Variants in SEZ6L observed in about 807,000 individuals in gnomAD.
The protein encoded by SEZ6L is seizure 6-like protein.
In SEZ6L, 37 loss-of-function variants were observed where a neutral mutation model predicts 106.2. That is an observed-to-expected ratio of 0.35 (90% CI 0.27 to 0.46). The LOEUF (loss-of-function observed/expected upper bound fraction) is 0.46, where lower values mean the gene tolerates loss of function less well. SEZ6L is among the 20% of genes least tolerant of loss of function. The probability of loss-of-function intolerance (pLI) is 1.00; values close to 1 mark genes in which losing one functional copy is unlikely to be tolerated. For missense variants in SEZ6L, 1,172 were observed against 1,332.8 expected (o/e 0.88, Z 1.88); for synonymous variants, 541 against 570.4 (o/e 0.95, Z 0.73).
At chr22:26,347,976 T>C in intron 11 of SEZ6L, 63 bp downstream of exon 11, 1 of 1,384,998 alleles carries the variant, frequency 7.2e-7, no homozygotes, top group Non-Finnish European at 9.7e-7. Context: ...TAGGGATCTT[T>C]TTTTGGTGGG....
At chr22:26,341,707 C>T (rs920136855) in intron 10 of SEZ6L, among the ~76,000 whole-genome samples, 1 of 152,094 alleles carries the variant, frequency 6.6e-6, no homozygotes, top group Non-Finnish European at 1.5e-5. Context: ...GCATCCCCTG[C>T]TATCTGCCAA....
intron 3 of SEZ6L, among the ~76,000 whole-genome samples, chr22:26,294,803 C>T (rs1251211068): frequency 6.6e-6 from 1 of 151,550 alleles, no homozygotes; most frequent in Non-Finnish European, 1.5e-5. Context: ...TTGCTTGCTT[C>T]CTTATTTCTC....
intron 10 of SEZ6L, among the ~76,000 whole-genome samples, chr22:26,342,229 G>A (rs1051444505): frequency 1.5e-4 from 23 of 152,252 alleles, no homozygotes; most frequent in African/African-American, 5.3e-4. Flanking sequence ...ATTAGGAAAC[G>A]TGCTTGCACT....
At chr22:26,186,083 A>G (rs1415378660) in intron 1 of SEZ6L, among the ~76,000 whole-genome samples, 1 of 151,968 alleles carries the variant, frequency 6.6e-6, no homozygotes, top group Admixed American at 6.6e-5. Flanking sequence ...GGTTTGCCGC[A>G]CACCGGGGAC....
chr22:26,210,436 C>T (rs753185058), intron 1 of SEZ6L, among the ~76,000 whole-genome samples: 31 of 152,264 alleles, frequency 2.0e-4, no homozygotes, highest in Non-Finnish European at 2.6e-4. Flanking sequence ...TTTAAGGGAA[C>T]ATAACGCTCC....
chr22:26,181,371 GA>G (rs2123777250), intron 1 of SEZ6L, among the ~76,000 whole-genome samples: 1 of 152,310 alleles, frequency 6.6e-6, no homozygotes, highest in South Asian at 2.1e-4. Context: ...TAACAGAGTG[GA>G]AAGCTAACTT....
intron 1 of SEZ6L, among the ~76,000 whole-genome samples, chr22:26,176,853 C>T (rs1009284669): frequency 4.6e-5 from 7 of 152,180 alleles, no homozygotes; most frequent in African/African-American, 1.7e-4. Context: ...TCTCTTGCTT[C>T]TCTCCTGTCT....
At chr22:26,293,262 C>A in intron 2 of SEZ6L, 116 bp downstream of exon 2, 1 of 1,351,864 alleles carries the variant, frequency 7.4e-7, no homozygotes, top group Non-Finnish European at 9.8e-7. Flanking sequence ...CAGTTACCGT[C>A]CATTGAGCAC....
At chr22:26,171,933 T>TG (rs1938643621) in intron 1 of SEZ6L, among the ~76,000 whole-genome samples, 1 of 152,060 alleles carries the variant, frequency 6.6e-6, no homozygotes, top group South Asian at 2.1e-4. Context: ...AACTCGTTGT[T>TG]GCGAACTAGT....
chr22:26,359,002 C>A (rs1166848818), intron 12 of SEZ6L, among the ~76,000 whole-genome samples: 1 of 152,146 alleles, frequency 6.6e-6, no homozygotes, highest in Non-Finnish European at 1.5e-5. Flanking sequence ...ACTGCCTAGC[C>A]ATGTCTCGGC....
intron 1 of SEZ6L, among the ~76,000 whole-genome samples, chr22:26,220,459 C>T (rs796125938): frequency 7.4e-4 from 113 of 152,218 alleles, no homozygotes; most frequent in Admixed American, 6.0e-3. Flanking sequence ...ATGAGGAGAC[C>T]GAGGCCTAGT....
chr22:26,194,262 A>T (rs1940436040), intron 1 of SEZ6L, among the ~76,000 whole-genome samples: 1 of 152,190 alleles, frequency 6.6e-6, no homozygotes, highest in South Asian at 2.1e-4. Flanking sequence ...CCTTGGTGCC[A>T]TTACACAAGA....
intron 1 of SEZ6L, among the ~76,000 whole-genome samples, chr22:26,276,767 G>A (rs904974097): frequency 6.6e-6 from 1 of 152,182 alleles, no homozygotes; most frequent in Non-Finnish European, 1.5e-5. Context: ...CGAAAGCAGT[G>A]GGGGTTCATG....
intron 1 of SEZ6L, among the ~76,000 whole-genome samples, chr22:26,236,960 C>T (rs1294285543): frequency 1.3e-5 from 2 of 152,182 alleles, no homozygotes; most frequent in Non-Finnish European, 2.9e-5. Context: ...TCTCTGCTCC[C>T]CCTTTCATTC....
chr22:26,242,851 G>A (rs2079184765), intron 1 of SEZ6L: 1 of 152,222 alleles, frequency 6.6e-6, no homozygotes, highest in Non-Finnish European at 1.5e-5. Context: ...GAGTTGGTTA[G>A]TGCCCTAGGG....
chr22:26,188,620 G>T (rs1225220895), intron 1 of SEZ6L, among the ~76,000 whole-genome samples: 1 of 152,168 alleles, frequency 6.6e-6, no homozygotes, highest in African/African-American at 2.4e-5. Context: ...GTACTGAGCG[G>T]GTACTATGCT....
At position 26,293,124 on chromosome 22, in the gene SEZ6L, C is replaced by T. The variant is rs1193820258; in HGVS notation, c.813C>T (p.Val271=). ...CCTCCACCATTATCACCACCACGGT[C>T]ATCACCACCGAGCAGGCACCAGGTA... ...TTTSTIITTT[V]ITTEQAPALC... Residue 271 remains valine (V), a synonymous_variant, in exon 2 of 17, where the codon GTC becomes GTT. Coordinates refer to ENST00000248933, the MANE Select transcript of SEZ6L (RefSeq NM_021115.5). 2.5e-6 allele frequency: 4 copies of T among 1,568,920 alleles called. No homozygotes were observed. The African/African-American group carries it at 5.4e-5, about 21-fold the overall frequency.
intron 1 of SEZ6L, among the ~76,000 whole-genome samples, chr22:26,263,059 C>T (rs1483960888): frequency 2.6e-5 from 4 of 152,218 alleles, no homozygotes; most frequent in African/African-American, 9.6e-5. Flanking sequence ...GCCCTGGTTC[C>T]CCTAAATTCC....
At chr22:26,359,536 G>A (rs980657575) in intron 12 of SEZ6L, among the ~76,000 whole-genome samples, 13 of 152,190 alleles carry the variant, frequency 8.5e-5, no homozygotes, top group African/African-American at 3.1e-4. Flanking sequence ...GATGGCTCAT[G>A]CCTGTAATCT....
Sources: gnomAD v4.1 joint callset for allele counts (sites outside exome capture counted in the v4.1 genomes callset) on GRCh38, gnomAD v4.1.1 for gene constraint, MANE v1.5 for transcripts, NCBI Gene and HGNC (gene_info 2026-07-23, HGNC 2026-07-21) for gene names.